The following IFNGR2 variants were observed in gnomAD, a reference collection of about 807,000 sequenced individuals.
IFNGR2 encodes IFN-gamma receptor 2.
Under a neutral mutation model 41.1 loss-of-function variants are expected in IFNGR2, and 15 were observed. The observed-to-expected ratio is 0.37, with a 90% CI of 0.24 to 0.56. IFNGR2 has a LOEUF of 0.56. Among genes scored for constraint, IFNGR2 ranks in the 20% least tolerant of loss-of-function variants. IFNGR2 has a pLI of 0.81. For missense variants in IFNGR2, 362 were observed against 415.7 expected (o/e 0.87, Z 1.12); for synonymous variants, 161 against 171.6 (o/e 0.94, Z 0.48).
At chr21:33,410,716 C>T in intron 1 of IFNGR2, 1 of 701,614 alleles carries the variant, frequency 1.4e-6, no homozygotes. Flanking sequence ...GATCCGCCCA[C>T]CTCAGCCTCC....
chr21:33,420,009 G>C (rs2083780859), intron 2 of IFNGR2, among the ~76,000 whole-genome samples: 1 of 152,132 alleles, frequency 6.6e-6, no homozygotes, highest in African/African-American at 2.4e-5. Context: ...CCCCCGACCT[G>C]AGAGGAGAGG....
intron 1 of IFNGR2, among the ~76,000 whole-genome samples, chr21:33,412,685 C>T (rs1269782153): frequency 3.3e-5 from 5 of 152,038 alleles, no homozygotes; most frequent in African/African-American, 1.2e-4. Context: ...CCTCCCAGGT[C>T]GCTGGGACTA....
intron 1 of IFNGR2, among the ~76,000 whole-genome samples, chr21:33,407,385 T>C (rs1489467877): frequency 6.6e-6 from 1 of 152,170 alleles, no homozygotes; most frequent in Non-Finnish European, 1.5e-5. Context: ...GAAAATATCA[T>C]GTAGCTGGAA....
chr21:33,406,274 G>A (rs2083676853), intron 1 of IFNGR2, among the ~76,000 whole-genome samples: 1 of 151,950 alleles, frequency 6.6e-6, no homozygotes, highest in Non-Finnish European at 1.5e-5. Context: ...TACCTGGGAG[G>A]CTGAGGCAGG....
At position 33,403,601 on chromosome 21, in the gene IFNGR2, G is replaced by C; in HGVS notation, c.58G>C (p.Ala20Pro). The C allele has an allele frequency of 7.4e-7, 1 of 1,359,694 alleles. No individual in the cohort carries two copies. Among genetic ancestry groups the C allele is most frequent in the Non-Finnish European group, 9.5e-7 (1 of 1,053,272 alleles). The allele number at this position is 1,359,694 out of a possible 1,614,324, so 84.2% of individuals were successfully genotyped here. ...LLLLGVFAAAAAAPPDPLSQL... is the reference protein window; with the variant it reads ...LLLLGVFAAAPAAPPDPLSQL... ...GCTGCTCGGAGTCTTCGCCGCCGCC[G>C]CCGCGGCCCCGCCAGGTGAGCCGGG... The change falls in exon 1 of 7, where the codon GCC becomes CCC. Residue 20 changes from alanine to proline, a missense_variant. Coordinates refer to ENST00000290219, the MANE Select transcript of IFNGR2 (RefSeq NM_005534.4).
intron 5 of IFNGR2, 41 bp downstream of exon 5, chr21:33,432,377 G>T (rs1397995582): frequency 6.4e-6 from 10 of 1,570,602 alleles, no homozygotes; most frequent in Middle Eastern, 1.7e-4. Flanking sequence ...ACTGGGAAAA[G>T]AATACTCCTC....
intron 1 of IFNGR2, among the ~76,000 whole-genome samples, chr21:33,405,851 A>G (rs906365135): frequency 1.5e-4 from 22 of 151,090 alleles, no homozygotes; most frequent in African/African-American, 5.4e-4. Context: ...GTCAACAATG[A>G]TGAAACCCCG....
At chr21:33,432,510 C>T in intron 5 of IFNGR2, 174 bp downstream of exon 5, 3 of 839,888 alleles carry the variant, frequency 3.6e-6, no homozygotes, top group Non-Finnish European at 6.0e-6. Context: ...GTGGAGGCTA[C>T]CAGACAGCTA....
At chr21:33,428,538 C>T (rs1463959094) in intron 4 of IFNGR2, among the ~76,000 whole-genome samples, 1 of 152,074 alleles carries the variant, frequency 6.6e-6, no homozygotes, top group Non-Finnish European at 1.5e-5. Context: ...CTCTTCATTT[C>T]ATTATGGGGA....
intron 2 of IFNGR2, among the ~76,000 whole-genome samples, chr21:33,415,646 G>A (rs1275009202): frequency 1.3e-5 from 2 of 152,210 alleles, no homozygotes; most frequent in African/African-American, 4.8e-5. Context: ...TATTGGCTAA[G>A]TCATTTTGTA....
In IFNGR2 at chr21:33,413,107, GTCTGTGTGACTGTCATGCAGGCCTC is replaced by G. The variant is rs1214641226; in HGVS notation, c.74-1767_74-1743del. On this transcript the variant is annotated intron_variant, in intron 1 of 6. Transcript: ENST00000290219. ...CATAGTTCGGATGCTATTCAGATCT[GTCTGTGTGACTGTCATGCAGGCCTC>G]TCTGTGTGACTGTGAGGGAGCATTG... 2.4e-4 allele frequency among the ~76,000 whole-genome samples: 36 copies of G among 152,174 alleles called. 1 individual carries two copies. Among genetic ancestry groups the G allele is most frequent in the Admixed American group, 1.6e-3 (24 of 15,272 alleles).
intron 1 of IFNGR2, among the ~76,000 whole-genome samples, chr21:33,409,785 C>T (rs1601068024): frequency 6.6e-6 from 1 of 152,154 alleles, no homozygotes; most frequent in Non-Finnish European, 1.5e-5. Flanking sequence ...GAAAATGTGT[C>T]GTTATTTTTT....
chr21:33,437,033 T>C lies in IFNGR2; in HGVS notation c.*71T>C, dbSNP rs1054996913. ...CCATCGGAGCTGCTAGAGTTCTGTC[T>C]GGACTTTCCAGAGACCAGTATTCCC... On this transcript the variant is annotated 3_prime_UTR_variant, in exon 7 of 7. Coordinates refer to ENST00000290219, the MANE Select transcript of IFNGR2 (RefSeq NM_005534.4). The C allele has an allele frequency of 4.5e-6, 7 of 1,548,562 alleles. No homozygotes were observed. The African/African-American group carries it at 5.4e-5, about 12-fold the overall frequency.
intron 1 of IFNGR2, among the ~76,000 whole-genome samples, chr21:33,413,551 C>T (rs1335068383): frequency 2.0e-5 from 3 of 152,188 alleles, no homozygotes; most frequent in African/African-American, 7.2e-5. Flanking sequence ...ACCTTTCTTC[C>T]ACCTTCTGGG....
chr21:33,405,005 A>G (rs548061323), intron 1 of IFNGR2, among the ~76,000 whole-genome samples: 2 of 150,942 alleles, frequency 1.3e-5, no homozygotes, highest in South Asian at 4.2e-4. Flanking sequence ...TGTAATCCCA[A>G]CTACTCAGGA....
intron 3 of IFNGR2, among the ~76,000 whole-genome samples, chr21:33,425,167 A>G (rs879259410): frequency 2.0e-5 from 3 of 151,834 alleles, no homozygotes; most frequent in Non-Finnish European, 4.4e-5. Flanking sequence ...TGATCTGCCC[A>G]CCTCAGCCTC....
intron 1 of IFNGR2, among the ~76,000 whole-genome samples, chr21:33,410,535 C>A (rs1376340954): frequency 6.6e-5 from 5 of 76,328 alleles, no homozygotes; most frequent in Admixed American, 1.5e-4. Flanking sequence ...GTGGCGTGAT[C>A]TCAGCTCATT....
intron 1 of IFNGR2, among the ~76,000 whole-genome samples, chr21:33,405,264 C>T (rs1337307026): frequency 6.6e-6 from 1 of 152,148 alleles, no homozygotes; most frequent in Non-Finnish European, 1.5e-5. Flanking sequence ...TCTTCCCATT[C>T]GAAGCTATAA....
In IFNGR2 at chr21:33,437,253, T is replaced by C. The variant is rs182759952; in HGVS notation, c.*291T>C. On this transcript the variant is annotated 3_prime_UTR_variant, in exon 7 of 7. Transcript: ENST00000290219. ...TGTAATTGCTTGTTAGCAAAATGGA[T>C]ATGACACATCTCTGATACTTTTTTC... The C allele has an allele frequency of 2.7e-6, 1 of 377,320 alleles. No individual in the cohort carries two copies. The highest frequency in any genetic ancestry group is 5.8e-5 in the East Asian group (1 of 17,170). The allele number at this position is 377,320 out of a possible 1,614,324, so 23.4% of individuals were successfully genotyped here. A position where few individuals can be genotyped will look rare whatever the true frequency, so the allele number is the denominator to read the frequency against.
Sources: allele counts gnomAD v4.1 joint callset (sites outside exome capture counted in the v4.1 genomes callset), GRCh38; gene constraint gnomAD v4.1.1; transcripts MANE v1.5; gene names NCBI Gene and HGNC (gene_info 2026-07-23, HGNC 2026-07-21).